Variants in MAST4 observed in about 807,000 individuals in gnomAD.
MAST4 encodes the protein microtubule-associated serine/threonine-protein kinase 4.
In MAST4, 89 loss-of-function variants were observed where a neutral mutation model predicts 162.7. The ratio of observed to expected loss-of-function variants is 0.55; its 90% confidence interval spans 0.46 to 0.65. The LOEUF is 0.65. Among genes scored for constraint, MAST4 ranks in the 30% least tolerant of loss-of-function variants. MAST4 has a pLI of 0.00. For missense variants in MAST4, 3,153 were observed against 3,374.0 expected (o/e 0.93, Z 1.62); for synonymous variants, 1,479 against 1,361.1 (o/e 1.09, Z -1.91).
rs376467028 is a variant in MAST4, at chr5:66,860,783, A to C, written c.643-39168A>C. Among the ~76,000 whole-genome samples, 973 of 152,006 alleles carry C rather than the reference A, an allele frequency of 6.4e-3. 7 individuals are homozygous for C. Among genetic ancestry groups the C allele is most frequent in the African/African-American group, 0.019 (783 of 41,464 alleles). ...AAAAAACAAAACCAAAAAAAAAAAA[A>C]AAACAAACAAACCAAGTTTGTTCAT... On this transcript the variant is annotated intron_variant, in intron 3 of 28. Transcript: ENST00000403625.
intron 5 of MAST4, among the ~76,000 whole-genome samples, chr5:67,087,993 C>T (rs536087866): frequency 6.6e-6 from 1 of 152,106 alleles, no homozygotes; most frequent in African/African-American, 2.4e-5. Flanking sequence ...TAGTGGCAGC[C>T]TTGTTTTATT....
At chr5:67,031,686 A>G (rs1455563302) in intron 4 of MAST4, among the ~76,000 whole-genome samples, 1 of 152,176 alleles carries the variant, frequency 6.6e-6, no homozygotes. Context: ...TAGCTGGAGA[A>G]AGAGCAGGAA....
chr5:66,599,739 T>C (rs1742431765), intron 1 of MAST4, among the ~76,000 whole-genome samples: 1 of 152,170 alleles, frequency 6.6e-6, no homozygotes, highest in Non-Finnish European at 1.5e-5. Flanking sequence ...GGGAATAAAC[T>C]GGGAAACAGT....
At chr5:66,993,240 A>G (rs537123659) in intron 4 of MAST4, among the ~76,000 whole-genome samples, 4 of 152,380 alleles carry the variant, frequency 2.6e-5, no homozygotes, top group African/African-American at 9.6e-5. Flanking sequence ...TGATTTTGGA[A>G]GCATCCCTCA....
At chr5:66,710,145 C>T (rs1375626702) in intron 1 of MAST4, among the ~76,000 whole-genome samples, 2 of 152,222 alleles carry the variant, frequency 1.3e-5, no homozygotes, top group Non-Finnish European at 2.9e-5. Context: ...TTAGCTGCTT[C>T]CATTTCTCTC....
chr5:66,927,197 G>C (rs1764967561), intron 4 of MAST4, among the ~76,000 whole-genome samples: 1 of 152,194 alleles, frequency 6.6e-6, no homozygotes, highest in South Asian at 2.1e-4. Context: ...AGGAAAGAGA[G>C]ATGTTATGGA....
chr5:67,014,888 A>G (rs1753092735), intron 4 of MAST4, among the ~76,000 whole-genome samples: 1 of 152,104 alleles, frequency 6.6e-6, no homozygotes, highest in Non-Finnish European at 1.5e-5. Context: ...GGTTTTTCTT[A>G]CCTTTTGAGA....
At chr5:66,828,946 G>T in intron 3 of MAST4, 1 of 1,334,576 alleles carries the variant, frequency 7.5e-7, no homozygotes, top group Non-Finnish European at 1.1e-6. Flanking sequence ...GGATTTCAAA[G>T]TTCCCTTGTC....
intron 5 of MAST4, among the ~76,000 whole-genome samples, chr5:67,055,179 G>A (rs1184383911): frequency 6.6e-6 from 1 of 152,154 alleles, no homozygotes; most frequent in Non-Finnish European, 1.5e-5. Context: ...GGAATTCTCA[G>A]TGTATGGCTA....
chr5:67,123,999 G>A (rs1767890646), intron 14 of MAST4, among the ~76,000 whole-genome samples: 1 of 152,096 alleles, frequency 6.6e-6, no homozygotes, highest in African/African-American at 2.4e-5. Context: ...GTCACGTATT[G>A]GGCTCTCAGA....
At chr5:66,915,089 C>T (rs1367290389) in intron 4 of MAST4, among the ~76,000 whole-genome samples, 1 of 151,892 alleles carries the variant, frequency 6.6e-6, no homozygotes, top group Non-Finnish European at 1.5e-5. Context: ...CATGGTGAGA[C>T]CCTGTCTCAC....
intron 3 of MAST4, among the ~76,000 whole-genome samples, chr5:66,834,050 G>A (rs2149766161): frequency 6.6e-6 from 1 of 152,292 alleles, no homozygotes; most frequent in East Asian, 1.9e-4. Flanking sequence ...AATCTTAGCT[G>A]TCTTCCCTCT....
chr5:66,986,448 G>T, intron 4 of MAST4: 1 of 1,567,514 alleles, frequency 6.4e-7, no homozygotes, highest in Non-Finnish European at 8.7e-7. Flanking sequence ...TTTTAGCCCT[G>T]TGTGTCCAAA....
At chr5:66,816,212 AT>A (rs950475800) in intron 3 of MAST4, among the ~76,000 whole-genome samples, 3 of 149,674 alleles carry the variant, frequency 2.0e-5, no homozygotes, top group South Asian at 2.1e-4. Flanking sequence ...ACATTATGAG[AT>A]TTTTTTTTGT....
At position 67,095,668 on chromosome 5, in the gene MAST4, C is replaced by T. The variant is rs370889678; in HGVS notation, c.905C>T (p.Thr302Met). Reference sequence around the variant, plus strand: ...TATGGGACAAACACACCCAGCTCTACGGTCTCTGTAAGTGCCTGACTTTTT... The same window carrying T: ...TATGGGACAAACACACCCAGCTCTATGGTCTCTGTAAGTGCCTGACTTTTT... ...SGYGTNTPSS[T>M]VSSSCSSQEK... is the part of the protein sequence containing the mutation. The change falls in exon 7 of 29, where the codon ACG becomes ATG. Residue 302 changes from threonine (T) to methionine (M), a missense_variant. Thr to Met is a moderately conservative substitution (Grantham distance 81, BLOSUM62 -1). Coordinates refer to ENST00000403625, the MANE Select transcript of MAST4 (RefSeq NM_001164664.2). 1.9e-5 allele frequency: 31 copies of T among 1,598,170 alleles called. No homozygotes were observed. The highest frequency in any genetic ancestry group is 4.1e-5 in the African/African-American group (3 of 74,014).
At chr5:67,133,680 T>TA (rs1160065344) in intron 17 of MAST4, 34 bp downstream of exon 17, 2 of 1,609,546 alleles carry the variant, frequency 1.2e-6, no homozygotes, top group African/African-American at 2.7e-5. Context: ...TATTGAGAAA[T>TA]ACAAAGTATG....
At chr5:66,929,621 T>C (rs1403680181) in intron 4 of MAST4, among the ~76,000 whole-genome samples, 2 of 152,224 alleles carry the variant, frequency 1.3e-5, no homozygotes, top group Admixed American at 1.3e-4. Flanking sequence ...GATATACTTA[T>C]CAGCCTCCCT....
chr5:67,100,313 T>C (rs1764892545), intron 7 of MAST4, 122 bp from the exon 8 acceptor site: 4 of 947,194 alleles, frequency 4.2e-6, no homozygotes, highest in Non-Finnish European at 6.2e-6. Context: ...CTTATAACTT[T>C]AACATGAAAA....
chr5:67,126,206 CTCA>C (rs1768210691), intron 14 of MAST4, among the ~76,000 whole-genome samples: 1 of 152,140 alleles, frequency 6.6e-6, no homozygotes, highest in African/African-American at 2.4e-5. Flanking sequence ...CGTGTTCACT[CTCA>C]TGATAGTTTC....
Sources: allele counts gnomAD v4.1 joint callset (sites outside exome capture counted in the v4.1 genomes callset), GRCh38; gene constraint gnomAD v4.1.1; transcripts MANE v1.5; gene names NCBI Gene and HGNC (gene_info 2026-07-23, HGNC 2026-07-21).